Variants in PLCB1 observed in about 807,000 individuals in gnomAD.
The protein encoded by PLCB1 is 1-phosphatidylinositol 4,5-bisphosphate phosphodiesterase beta-1.
Under a neutral mutation model 161.8 loss-of-function variants are expected in PLCB1, and 46 were observed. The ratio of observed to expected loss-of-function variants is 0.28; its 90% CI spans 0.22 to 0.36. The LOEUF is 0.36. Among genes scored for constraint, PLCB1 ranks in the 10% least tolerant of loss-of-function variants. The pLI, the probability that PLCB1 is intolerant of heterozygous loss-of-function variation, is 1.00. For synonymous variants in PLCB1, 517 were observed against 503.7 expected, an observed-to-expected ratio of 1.03 and a Z score of -0.35; for missense variants, 1,016 against 1,472.5, an observed-to-expected ratio of 0.69 and a Z score of 5.07.
chr20:8,455,162 C>G (rs898018806), intron 3 of PLCB1, among the ~76,000 whole-genome samples: 2 of 151,790 alleles, frequency 1.3e-5, no homozygotes, highest in Admixed American at 1.3e-4. Flanking sequence ...AACACCGTCT[C>G]TACTAAAAAT....
At chr20:8,877,002 G>A (rs1987804231) in intron 31 of PLCB1, among the ~76,000 whole-genome samples, 3 of 152,124 alleles carry the variant, frequency 2.0e-5, no homozygotes, top group Non-Finnish European at 4.4e-5. Context: ...GCTGGGATGG[G>A]ATGAGCTGCA....
intron 3 of PLCB1, among the ~76,000 whole-genome samples, chr20:8,436,680 C>G (rs1475142052): frequency 6.6e-6 from 1 of 152,144 alleles, no homozygotes; most frequent in Non-Finnish European, 1.5e-5. Context: ...AGGAAGGATC[C>G]CTGATTCCAC....
At chr20:8,135,766 AT>A (rs757684091) in intron 1 of PLCB1, among the ~76,000 whole-genome samples, 9 of 152,190 alleles carry the variant, frequency 5.9e-5, no homozygotes, top group Non-Finnish European at 1.2e-4. Context: ...TATTTAAAAA[AT>A]TCAACCTCAT....
Position 8,881,919 on chromosome 20 carries a change from A to T in PLCB1, c.*70A>T. 1 of 1,020,788 alleles carries T rather than the reference A, an allele frequency of 9.8e-7. No individual in the cohort carries two copies. Among genetic ancestry groups the T allele is most frequent in the Non-Finnish European group, 1.5e-6 (1 of 655,962 alleles). The allele number at this position is 1,020,788 out of a possible 1,614,324, so 63.2% of individuals were successfully genotyped here. A position where few individuals can be genotyped will look rare whatever the true frequency, so the allele number is the denominator to read the frequency against. On this transcript the variant is annotated 3_prime_UTR_variant, in exon 32 of 32. Coordinates refer to ENST00000338037, the MANE Select transcript of PLCB1 (RefSeq NM_015192.4). The stretch of plus-strand genomic sequence containing the variant: ...CATCGGACTCTCTCTTATTACAAAG[A>T]TCACTGCCCAGGACCATCTTCCCGA...
At chr20:8,791,218 T>C (rs1324170827) in intron 31 of PLCB1, among the ~76,000 whole-genome samples, 2 of 152,132 alleles carry the variant, frequency 1.3e-5, no homozygotes, top group African/African-American at 4.8e-5. Context: ...GTTGGCAATA[T>C]AGATTCTCAA....
chr20:8,350,838 TA>T (rs1986156829), intron 2 of PLCB1, among the ~76,000 whole-genome samples: 1 of 152,206 alleles, frequency 6.6e-6, no homozygotes, highest in Non-Finnish European at 1.5e-5. Context: ...AAAACTCTGA[TA>T]AAATAAGTTG....
chr20:8,742,828 G>A (rs558357607), intron 23 of PLCB1, among the ~76,000 whole-genome samples: 1 of 152,002 alleles, frequency 6.6e-6, no homozygotes, highest in Non-Finnish European at 1.5e-5. Context: ...TTATTTGTGG[G>A]TACATAGTAG....
At chr20:8,276,971 C>G (rs1254097185) in intron 2 of PLCB1, among the ~76,000 whole-genome samples, 1 of 108,194 alleles carries the variant, frequency 9.2e-6, no homozygotes, top group African/African-American at 3.5e-5. Context: ...TCTTCTTCTT[C>G]TTCTTCTTCT....
At chr20:8,872,506 G>T (rs1310071794) in intron 31 of PLCB1, among the ~76,000 whole-genome samples, 3 of 152,168 alleles carry the variant, frequency 2.0e-5, no homozygotes, top group African/African-American at 7.2e-5. Context: ...TTTTCTAGGA[G>T]TTGTTTGTCT....
chr20:8,651,616 A>G (rs534682172), intron 7 of PLCB1: 137 of 667,016 alleles, frequency 2.1e-4, no homozygotes, highest in Non-Finnish European at 3.1e-4. Flanking sequence ...AGCTCTTACT[A>G]TGTGCCCATA....
At chr20:8,804,390 C>T (rs73603792) in intron 31 of PLCB1, among the ~76,000 whole-genome samples, 10,556 of 151,284 alleles carry the variant, frequency 0.07, 1,048 homozygotes, top group African/African-American at 0.22. Flanking sequence ...ACCTAGACTT[C>T]AAACATTTAA....
intron 8 of PLCB1, 77 bp downstream of exon 8, chr20:8,657,361 G>A (rs1379671638): frequency 4.8e-6 from 4 of 839,164 alleles, no homozygotes; most frequent in Admixed American, 3.4e-5. Context: ...ACTTGGAGTG[G>A]TAATTGGAGA....
At chr20:8,684,876 G>A (rs971981041) in intron 9 of PLCB1, 56 bp from the exon 10 acceptor site, 11 of 1,357,636 alleles carry the variant, frequency 8.1e-6, no homozygotes, top group South Asian at 1.4e-5. Flanking sequence ...AAAAAGAGGC[G>A]ACTTGACACC....
At chr20:8,282,111 A>G (rs780567325) in intron 2 of PLCB1, among the ~76,000 whole-genome samples, 1 of 152,232 alleles carries the variant, frequency 6.6e-6, no homozygotes, top group Non-Finnish European at 1.5e-5. Flanking sequence ...TACATTTAGT[A>G]TTACCATGTA....
At chr20:8,802,212 T>C (rs1167518870) in intron 31 of PLCB1, 1 of 1,065,162 alleles carries the variant, frequency 9.4e-7, no homozygotes, top group African/African-American at 1.6e-5. Flanking sequence ...GAGAGAAGGG[T>C]GGTGTGTAGC....
chr20:8,447,492 C>T (rs1003388025), intron 3 of PLCB1, among the ~76,000 whole-genome samples: 22 of 152,158 alleles, frequency 1.4e-4, no homozygotes, highest in Admixed American at 1.2e-3. Flanking sequence ...CTGGAAACCA[C>T]ATGTTGTGAG....
intron 2 of PLCB1, among the ~76,000 whole-genome samples, chr20:8,203,342 T>G (rs1359923258): frequency 6.6e-6 from 1 of 152,156 alleles, no homozygotes. Context: ...TGTGACCAGA[T>G]GGAAAGTGAC....
intron 2 of PLCB1, among the ~76,000 whole-genome samples, chr20:8,358,736 C>A (rs1427470588): frequency 6.6e-6 from 1 of 152,142 alleles, no homozygotes; most frequent in Non-Finnish European, 1.5e-5. Context: ...TGTACTTTGT[C>A]TTCAGGGTGC....
chr20:8,155,859 A>C (rs979867457), intron 2 of PLCB1, among the ~76,000 whole-genome samples: 3 of 152,098 alleles, frequency 2.0e-5, no homozygotes, highest in Non-Finnish European at 2.9e-5. Context: ...AATAACTTAC[A>C]TTATCTGGGA....
Sources: gnomAD v4.1 joint callset for allele counts (sites outside exome capture counted in the v4.1 genomes callset) on GRCh38, gnomAD v4.1.1 for gene constraint, MANE v1.5 for transcripts, NCBI Gene and HGNC (gene_info 2026-07-23, HGNC 2026-07-21) for gene names.